DONSON: variants seen among roughly 807,000 people sequenced by gnomAD.
The protein encoded by DONSON is DNA replication fork stabilization factor DONSON, also known as protein downstream neighbor of Son.
A neutral mutation model predicts 62.1 loss-of-function variants in DONSON; 43 were observed. The observed-to-expected ratio is 0.69, with a 90% CI of 0.54 to 0.89. The LOEUF is 0.89. DONSON is among the 40% of genes least tolerant of loss of function. DONSON has a pLI of 0.00. For synonymous variants in DONSON, 266 were observed against 264.6 expected (o/e 1.01, Z -0.05); for missense variants, 696 against 697.5 (o/e 1.00, Z 0.03).
chr21:33,582,986 G>C (rs964294038), intron 5 of DONSON, among the ~76,000 whole-genome samples: 7 of 152,014 alleles, frequency 4.6e-5, no homozygotes, highest in Non-Finnish European at 1.0e-4. Context: ...CGGATCACGA[G>C]GTCAGGAGAT....
chr21:33,586,216 T>G, intron 2 of DONSON, 35 bp from the exon 3 acceptor site: 2 of 1,584,146 alleles, frequency 1.3e-6, no homozygotes, highest in Non-Finnish European at 1.7e-6. Flanking sequence ...ATTAGTCGAG[T>G]ATCAAGAAAA....
intron 1 of DONSON, 73 bp from the exon 2 acceptor site, chr21:33,587,675 C>T (rs893085968): frequency 3.0e-6 from 3 of 990,368 alleles, no homozygotes; most frequent in Non-Finnish European, 3.0e-6. Context: ...CAGAGCCTCA[C>T]CTGGCATACA....
intron 8 of DONSON, among the ~76,000 whole-genome samples, chr21:33,580,228 CTAAA>C (rs1396650402): frequency 2.1e-5 from 3 of 142,668 alleles, no homozygotes; most frequent in Non-Finnish European, 4.6e-5. Flanking sequence ...GACTCCGTCT[CTAAA>C]TAGATAGATG....
Position 33,582,222 on chromosome 21 carries a change from A to G in DONSON, c.989T>C (p.Ile330Thr). The part of the protein sequence containing the change: ...NEGIEFSLPL[I>T]KESGHKKETA... Reference sequence around the variant, plus strand: ...CTCCTTCTTATGGCCACTTTCTTTTATTAAAGGCAGAGAAAATTCAATACC... The same window carrying G: ...CTCCTTCTTATGGCCACTTTCTTTTGTTAAAGGCAGAGAAAATTCAATACC... Residue 330 changes from isoleucine (I) to threonine (T), a missense_variant, in exon 6 of 10, where the codon ATA (isoleucine) becomes ACA (threonine). Coordinates refer to ENST00000303071, the MANE Select transcript of DONSON (RefSeq NM_017613.4). The G allele has an allele frequency of 6.2e-7, 1 of 1,613,974 alleles. No homozygotes were observed. Among genetic ancestry groups the G allele is most frequent in the South Asian group, 1.1e-5 (1 of 91,082 alleles).
chr21:33,586,282 TATA>T (rs2086576840), intron 2 of DONSON, 101 bp from the exon 3 acceptor site: 1 of 916,462 alleles, frequency 1.1e-6, no homozygotes, highest in African/African-American at 1.7e-5. Flanking sequence ...GTAAAAATCA[TATA>T]AGCTGTATAA....
rs746490304 is a variant in DONSON, at chr21:33,581,264, G to A, written c.1350+38C>T. ...CAAGAATTTATCCTATCAAAGTAAAGTACTTCTTAAAAGCTAGGTTATGCA... is the reference window on the plus strand; with the variant it reads ...CAAGAATTTATCCTATCAAAGTAAAATACTTCTTAAAAGCTAGGTTATGCA... On this transcript the variant is annotated intron_variant, in intron 8 of 9. Transcript: ENST00000303071. 7 of 1,579,598 alleles carry A rather than the reference G, an allele frequency of 4.4e-6. No homozygotes were observed. The South Asian group carries it at 7.9e-5, about 18-fold the overall frequency.
rs2086608120 is a variant in DONSON, at chr21:33,588,463, G to A, written c.179C>T (p.Ala60Val). 9 of 1,299,678 alleles carry A rather than the reference G, an allele frequency of 6.9e-6. No homozygotes were observed. The highest frequency in any genetic ancestry group is 1.5e-5 in the African/African-American group (1 of 65,114). The allele number at this position is 1,299,678 out of a possible 1,614,324, so 80.5% of individuals were successfully genotyped here. Residue 60 changes from alanine to valine, a missense_variant, in exon 1 of 10, where the codon GCT (alanine) becomes GTT (valine). Coordinates refer to ENST00000303071, the MANE Select transcript of DONSON (RefSeq NM_017613.4). ...GCTGCCACCGCCTCTGCCCCCCGCA[G>A]CAGGGAAAGGGCGAAGAGGCAGCCC... ...VAGLPLRPFP[A>V]AGGRGGGSGG...
Position 33,578,266 on chromosome 21 carries a change from G to A in DONSON, c.*41C>T. 2 of 1,588,172 alleles carry A rather than the reference G, an allele frequency of 1.3e-6. No individual in the cohort carries two copies. Among genetic ancestry groups the A allele is most frequent in the Non-Finnish European group, 1.7e-6 (2 of 1,166,188 alleles). On this transcript the variant is annotated 3_prime_UTR_variant, in exon 10 of 10. Transcript: ENST00000303071. ...GAATCTTGAATTTCCTTGCTAGAAG[G>A]CTTTTTTCCTCAAAGATTCCTTTTA...
Position 33,586,110 on chromosome 21 carries a change from A to T in DONSON, c.474T>A (p.Ser158Arg). The T allele has an allele frequency of 6.2e-7, 1 of 1,614,100 alleles. No homozygotes were observed. The highest frequency in any genetic ancestry group is 8.5e-7 in the Non-Finnish European group (1 of 1,180,012). ...SKSTELPVDW[S>R]IKTRLLFTSS... ...AGGTGAAAAGGAGTCGCGTTTTAAT[A>T]CTCCAGTCCACAGGTAACTCAGTAC... The change falls in exon 3 of 10, where the codon AGT (serine) becomes AGA (arginine). Residue 158 changes from serine (S) to arginine (R), a missense_variant. Physicochemically the swap from Ser to Arg is moderately radical, Grantham distance 110. Coordinates refer to ENST00000303071, the MANE Select transcript of DONSON (RefSeq NM_017613.4).
intron 1 of DONSON, among the ~76,000 whole-genome samples, chr21:33,587,926 C>T (rs901674460): frequency 4.6e-5 from 7 of 152,190 alleles, no homozygotes; most frequent in African/African-American, 7.2e-5. Context: ...AGAAGGGAGG[C>T]CCTAAATCAC....
chr21:33,587,091 C>A lies in DONSON; in HGVS notation c.402+431G>T, dbSNP rs1339671660. Among the ~76,000 whole-genome samples, 5 of 152,300 alleles carry A rather than the reference C, an allele frequency of 3.3e-5. No individual in the cohort carries two copies. The East Asian group carries it at 9.6e-4, about 29-fold the overall frequency. On this transcript the variant is annotated intron_variant, in intron 2 of 9. Coordinates refer to ENST00000303071, the MANE Select transcript of DONSON (RefSeq NM_017613.4). ...GACAAACCGCATTTATCAAACTACA[C>A]AGCACAATGGTAGTAGTTGGGGAAT...
chr21:33,586,377 G>A (rs2086577876), intron 2 of DONSON, among the ~76,000 whole-genome samples, 196 bp from the exon 3 acceptor site: 1 of 152,124 alleles, frequency 6.6e-6, no homozygotes, highest in Non-Finnish European at 1.5e-5. Flanking sequence ...GTTACCTATG[G>A]GAAGCGGGAA....
At chr21:33,580,567 C>G (rs1473554048) in intron 8 of DONSON, among the ~76,000 whole-genome samples, 2 of 144,684 alleles carry the variant, frequency 1.4e-5, no homozygotes, top group Non-Finnish European at 3.0e-5. Context: ...TCACTTGAGC[C>G]CACATGGTTG....
At chr21:33,578,564 T>TC in intron 9 of DONSON, 120 bp from the exon 10 acceptor site, 1 of 1,115,076 alleles carries the variant, frequency 9.0e-7, no homozygotes, top group Non-Finnish European at 1.2e-6. Flanking sequence ...ATCCTATTAA[T>TC]AGAAGTTGAT....
At chr21:33,587,444 T>A in intron 2 of DONSON, 78 bp downstream of exon 2, 1 of 1,470,410 alleles carries the variant, frequency 6.8e-7, no homozygotes, top group Non-Finnish European at 9.0e-7. Context: ...TATAAATGTA[T>A]TTTTAAAAAT....
chr21:33,585,516 T>A (rs2086568282), intron 3 of DONSON, among the ~76,000 whole-genome samples: 1 of 150,936 alleles, frequency 6.6e-6, no homozygotes, highest in Non-Finnish European at 1.5e-5. Flanking sequence ...CCCAGCCTCC[T>A]AGTTTTGAGT....
chr21:33,579,626 A>G, intron 8 of DONSON, 64 bp from the exon 9 acceptor site: 1 of 1,302,538 alleles, frequency 7.7e-7, no homozygotes, highest in Non-Finnish European at 1.1e-6. Flanking sequence ...CTAGCCAAAA[A>G]TATGTTCAAT....
intron 3 of DONSON, among the ~76,000 whole-genome samples, chr21:33,585,375 C>A (rs2086565611): frequency 6.7e-6 from 1 of 149,064 alleles, no homozygotes; most frequent in Non-Finnish European, 1.5e-5. Flanking sequence ...CACCCACCAC[C>A]ATGCTCAGCT....
In DONSON at chr21:33,586,150, A is replaced by C. The variant is rs746207457; in HGVS notation, c.434T>G (p.Ile145Ser). 7.1e-5 allele frequency: 114 copies of C among 1,614,054 alleles called. No individual in the cohort carries two copies. Among genetic ancestry groups the C allele is most frequent in the Non-Finnish European group, 9.4e-5 (111 of 1,180,020 alleles). The change falls in exon 3 of 10, where the codon ATT (isoleucine) becomes AGT (serine). Residue 145 changes from isoleucine (I) to serine (S), a missense_variant. Ile to Ser is a moderately radical substitution (Grantham distance 142). Transcript: ENST00000303071. ...TSHVSFSEPDIPSSKSTELPV... is the reference protein window; with the variant it reads ...TSHVSFSEPDSPSSKSTELPV... ...TAACTCAGTACTTTTTGAGGACGGA[A>C]TATCAGGCTCGGAGAATGATACATG... is the stretch of plus-strand genomic sequence containing the variant.
Sources: gnomAD v4.1 joint callset for allele counts (sites outside exome capture counted in the v4.1 genomes callset) on GRCh38, gnomAD v4.1.1 for gene constraint, MANE v1.5 for transcripts, NCBI Gene and HGNC (gene_info 2026-07-23, HGNC 2026-07-21) for gene names.